Variants in EDIL3 observed in about 807,000 individuals in gnomAD.
The protein encoded by EDIL3 is EGF-like repeat and discoidin I-like domain-containing protein 3.
In EDIL3, 37 loss-of-function variants were observed where a neutral mutation model predicts 67.4. That is an observed-to-expected ratio of 0.55 (90% CI 0.42 to 0.72). The LOEUF (loss-of-function observed/expected upper bound fraction) is 0.72, where lower values mean the gene tolerates loss of function less well. Among genes scored for constraint, EDIL3 ranks in the 30% least tolerant of loss-of-function variants. EDIL3 has a pLI of 0.00. For synonymous variants in EDIL3, 195 were observed against 196.3 expected, an observed-to-expected ratio of 0.99 and a Z score of 0.05; for missense variants, 527 against 586.3, an observed-to-expected ratio of 0.90 and a Z score of 1.04.
intron 1 of EDIL3, among the ~76,000 whole-genome samples, chr5:84,272,225 A>C (rs1167493111): frequency 2.0e-5 from 3 of 152,038 alleles, no homozygotes; most frequent in African/African-American, 7.2e-5. Context: ...GAAACTGATG[A>C]GATCAATTGA....
At chr5:84,010,069 G>C (rs1421258336) in intron 9 of EDIL3, among the ~76,000 whole-genome samples, 2 of 152,236 alleles carry the variant, frequency 1.3e-5, no homozygotes, top group Admixed American at 6.5e-5. Flanking sequence ...TCAAAGCACA[G>C]TGTGGCAGAT....
chr5:84,068,510 T>A (rs1224553554), intron 6 of EDIL3, among the ~76,000 whole-genome samples: 2 of 152,192 alleles, frequency 1.3e-5, no homozygotes, highest in Non-Finnish European at 2.9e-5. Context: ...TAATAGTTTG[T>A]ATTTTTCTCT....
At chr5:83,985,316 T>A (rs933738586) in intron 9 of EDIL3, among the ~76,000 whole-genome samples, 3 of 152,104 alleles carry the variant, frequency 2.0e-5, no homozygotes, top group African/African-American at 7.2e-5. Context: ...TGGTGAGGCA[T>A]AACTGCTGGA....
At chr5:84,065,212 A>C (rs1340139786) in intron 7 of EDIL3, among the ~76,000 whole-genome samples, 1 of 152,024 alleles carries the variant, frequency 6.6e-6, no homozygotes. Context: ...TAGTATTCAT[A>C]CTTTTGGGGG....
chr5:84,382,170 T>C (rs569763616), intron 1 of EDIL3, among the ~76,000 whole-genome samples: 1 of 152,348 alleles, frequency 6.6e-6, no homozygotes, highest in Non-Finnish European at 1.5e-5. Flanking sequence ...GCCTTTCCCC[T>C]GTCCTCACAA....
chr5:84,197,548 A>C (rs1289296646), intron 3 of EDIL3, among the ~76,000 whole-genome samples: 1 of 151,874 alleles, frequency 6.6e-6, no homozygotes. Flanking sequence ...ATTCCCAGTT[A>C]CTTGGGAGGC....
intron 9 of EDIL3, among the ~76,000 whole-genome samples, chr5:84,023,831 G>GA (rs1276081426): frequency 7.9e-5 from 12 of 152,032 alleles, no homozygotes; most frequent in Admixed American, 5.9e-4. Flanking sequence ...CATTATTAAT[G>GA]AAAAAACCCA....
At chr5:84,205,465 C>CA (rs1743952928) in intron 3 of EDIL3, among the ~76,000 whole-genome samples, 1 of 152,098 alleles carries the variant, frequency 6.6e-6, no homozygotes, top group African/African-American at 2.4e-5. Context: ...GTGCAATAGC[C>CA]AAAATATTTA....
chr5:84,133,926 C>G (rs1050690342), intron 5 of EDIL3, among the ~76,000 whole-genome samples: 1 of 151,832 alleles, frequency 6.6e-6, no homozygotes, highest in Non-Finnish European at 1.5e-5. Context: ...CCTTAACTCC[C>G]CTATAAGTAT....
intron 1 of EDIL3, among the ~76,000 whole-genome samples, chr5:84,363,691 G>T (rs939076020): frequency 6.6e-6 from 1 of 152,100 alleles, no homozygotes; most frequent in African/African-American, 2.4e-5. Context: ...ATAGCAAGAG[G>T]TAAGATGCCT....
intron 6 of EDIL3, among the ~76,000 whole-genome samples, chr5:84,067,127 C>G (rs1475811890): frequency 2.0e-5 from 3 of 152,104 alleles, no homozygotes; most frequent in Non-Finnish European, 4.4e-5. Flanking sequence ...AAACAAGTAT[C>G]CCTTAAGTTT....
chr5:84,073,283 G>C (rs1001340425), intron 6 of EDIL3, among the ~76,000 whole-genome samples: 4 of 152,088 alleles, frequency 2.6e-5, no homozygotes, highest in East Asian at 1.9e-4. Flanking sequence ...TTGAAAACAG[G>C]CACAAGACAA....
intron 3 of EDIL3, among the ~76,000 whole-genome samples, chr5:84,182,517 C>G (rs1304276644): frequency 6.6e-6 from 1 of 151,708 alleles, no homozygotes; most frequent in Admixed American, 6.6e-5. Context: ...AAAAAATCAC[C>G]AGCATCACTT....
intron 1 of EDIL3, among the ~76,000 whole-genome samples, chr5:84,281,787 T>C (rs1243198719): frequency 6.6e-6 from 1 of 151,554 alleles, no homozygotes. Context: ...GTATGAAGAA[T>C]AGTATAATGA....
intron 4 of EDIL3, among the ~76,000 whole-genome samples, chr5:84,154,114 G>A (rs897334140): frequency 1.6e-4 from 24 of 152,218 alleles, no homozygotes; most frequent in Non-Finnish European, 8.8e-5. Context: ...AAGAAGTTCC[G>A]AAAAGAAAAT....
chr5:84,195,313 A>G (rs1483797710), intron 3 of EDIL3, among the ~76,000 whole-genome samples: 1 of 151,974 alleles, frequency 6.6e-6, no homozygotes, highest in Non-Finnish European at 1.5e-5. Context: ...ATATTAGAGA[A>G]GTTATTATGC....
intron 4 of EDIL3, 133 bp downstream of exon 4, chr5:84,180,260 G>A: frequency 1.0e-6 from 1 of 959,942 alleles, no homozygotes; most frequent in Non-Finnish European, 1.4e-6. Context: ...CCATGGGAGA[G>A]AAGCAGCATT....
At chr5:84,039,781 C>G (rs866822866) in intron 9 of EDIL3, among the ~76,000 whole-genome samples, 4 of 151,910 alleles carry the variant, frequency 2.6e-5, no homozygotes. Context: ...CAAACCTGCA[C>G]ATTGTGCACA....
chr5:84,339,131 G>A (rs528906200), intron 1 of EDIL3, among the ~76,000 whole-genome samples: 2 of 152,118 alleles, frequency 1.3e-5, no homozygotes, highest in Non-Finnish European at 1.5e-5. Flanking sequence ...ATAAAATAAC[G>A]ACTCTTGAGC....
Sources: allele counts gnomAD v4.1 joint callset (sites outside exome capture counted in the v4.1 genomes callset), GRCh38; gene constraint gnomAD v4.1.1; transcripts MANE v1.5; gene names NCBI Gene and HGNC (gene_info 2026-07-23, HGNC 2026-07-21).